Variants in BCAS3 observed in about 807,000 individuals in gnomAD.
The protein encoded by BCAS3 is BCAS3 microtubule associated cell migration factor, also known as BCAS4/BCAS3 fusion.
A neutral mutation model predicts 116.1 loss-of-function variants in BCAS3; 53 were observed. That is an observed-to-expected ratio of 0.46 (90% CI 0.37 to 0.57). The LOEUF (loss-of-function observed/expected upper bound fraction) is 0.57. BCAS3 is among the 20% of genes least tolerant of loss of function. The probability of loss-of-function intolerance (pLI) is 0.00; values close to 1 mark genes in which losing one functional copy is unlikely to be tolerated. For missense variants in BCAS3, 917 were observed against 1,165.4 expected (o/e 0.79, Z 3.10); for synonymous variants, 391 against 408.2 (o/e 0.96, Z 0.51).
At chr17:61,050,588 A>T (rs1024101934) in intron 19 of BCAS3, among the ~76,000 whole-genome samples, 1 of 152,052 alleles carries the variant, frequency 6.6e-6, no homozygotes, top group African/African-American at 2.4e-5. Context: ...CAAAAACAAA[A>T]TGTTGTATCT....
rs1444243244 is a variant in BCAS3 at position 61,045,043 on chromosome 17, G to A, written c.2029+4151G>A. On this transcript the variant is annotated intron_variant, in intron 19 of 23. Coordinates refer to ENST00000407086, the MANE Select transcript of BCAS3 (RefSeq NM_017679.5). ...CCCAAAGTGCTGGAATTACAGGCATGAGCCACTGTGCCCAGCATAAAGTCC... is the reference window on the plus strand; with the variant it reads ...CCCAAAGTGCTGGAATTACAGGCATAAGCCACTGTGCCCAGCATAAAGTCC... 2.0e-5 allele frequency among the ~76,000 whole-genome samples: 3 copies of A among 151,976 alleles called. No individual in the cohort carries two copies. In the South Asian group the frequency reaches 6.2e-4, roughly 32 times the overall value.
chr17:60,845,161 A>C (rs940540391), intron 7 of BCAS3, among the ~76,000 whole-genome samples: 2 of 152,188 alleles, frequency 1.3e-5, no homozygotes, highest in African/African-American at 4.8e-5. Context: ...CCCAGGAGGC[A>C]GAGGTTGCAG....
Position 61,362,633 on chromosome 17 carries a change from T to G in BCAS3, c.2426-5694T>G, listed in dbSNP as rs1254105511. The G allele has an allele frequency of 6.6e-6, 1 of 152,230 alleles. No individual in the cohort carries two copies. Among genetic ancestry groups the G allele is most frequent in the African/African-American group, 2.4e-5 (1 of 41,450 alleles). The allele number at this position is 152,230 out of a possible 1,614,324, so 9.4% of individuals were successfully genotyped here. Reference sequence around the variant, plus strand: ...GCTTGCCAGCTGTCACAGCATGCCTTTAATGGGTTTGTGAAACCCAAGAAC... The same window carrying G: ...GCTTGCCAGCTGTCACAGCATGCCTGTAATGGGTTTGTGAAACCCAAGAAC... On this transcript the variant is annotated intron_variant, in intron 22 of 23. Transcript: ENST00000407086. This position sits in a 1 kb window ranked among gnomAD's most constrained non-coding sequence, Gnocchi z 4.4.
chr17:61,074,878 C>A (rs921447426), intron 19 of BCAS3, 42 bp from the exon 20 acceptor site: 12 of 1,413,850 alleles, frequency 8.5e-6, no homozygotes, highest in African/African-American at 2.8e-5. Flanking sequence ...TTTTCCACTG[C>A]ATGGAATGAA....
At chr17:60,890,574 C>T (rs1300292667) in intron 10 of BCAS3, among the ~76,000 whole-genome samples, 3 of 152,056 alleles carry the variant, frequency 2.0e-5, no homozygotes, top group Non-Finnish European at 4.4e-5. Flanking sequence ...ATTTTGTTGA[C>T]TTCTTCGGTT....
chr17:60,893,914 G>A (rs2057344880), intron 10 of BCAS3, among the ~76,000 whole-genome samples: 1 of 151,922 alleles, frequency 6.6e-6, no homozygotes, highest in Admixed American at 6.6e-5. Flanking sequence ...CAGCCTATGT[G>A]TCTACTTTTG....
rs142280492 is a variant in BCAS3, at chr17:60,720,602, T to A, written c.321+11277T>A. ...TCAGTCAATATGGATAGAAAATATT[T>A]GGGAAAAAAGTAAAAAATAATTCAA... On this transcript the variant is annotated intron_variant, in intron 5 of 23. Transcript: ENST00000407086. Among the ~76,000 whole-genome samples the A allele has an allele frequency of 4.7e-3, 721 of 152,162 alleles. 2 individuals carry two copies. The highest frequency in any genetic ancestry group is 0.027 in the Middle Eastern group (8 of 294).
intron 22 of BCAS3, among the ~76,000 whole-genome samples, chr17:61,159,842 C>G (rs1601640381): frequency 6.6e-6 from 1 of 152,290 alleles, no homozygotes; most frequent in East Asian, 1.9e-4. Flanking sequence ...ACCATAAGAA[C>G]TTTCAAAATC....
chr17:60,789,179 A>T (rs946437964), intron 6 of BCAS3, among the ~76,000 whole-genome samples: 2 of 152,204 alleles, frequency 1.3e-5, no homozygotes, highest in African/African-American at 4.8e-5. Flanking sequence ...AATCCTTAAC[A>T]TCAAAAGAGA....
chr17:60,805,779 G>C (rs2048215818), intron 6 of BCAS3, among the ~76,000 whole-genome samples: 1 of 150,882 alleles, frequency 6.6e-6, no homozygotes, highest in Non-Finnish European at 1.5e-5. Flanking sequence ...AGCGAGCCCA[G>C]ATCTGCCATG....
Position 61,087,109 on chromosome 17 carries a change from A to C in BCAS3, c.2425+2545A>C, listed in dbSNP as rs937412227. ...TGTTGTAGATTCTTCTGTTAAAAAG[A>C]ATCTAATAAATTTTTATAATTGCTC... On this transcript the variant is annotated intron_variant, in intron 22 of 23. Coordinates refer to ENST00000407086, the MANE Select transcript of BCAS3 (RefSeq NM_017679.5). This position sits in a 1 kb window ranked among gnomAD's most constrained non-coding sequence, Gnocchi z 4.6. 2 of 984,376 alleles carry C rather than the reference A, an allele frequency of 2.0e-6. No individual in the cohort carries two copies. Among genetic ancestry groups the C allele is most frequent in the Non-Finnish European group, 1.2e-6 (1 of 829,080 alleles). 61.0% of individuals were successfully genotyped at this position (984,376 alleles called of 1,614,324 possible). A position where few individuals can be genotyped will look rare whatever the true frequency, so the allele number is the denominator to read the frequency against.
intron 5 of BCAS3, among the ~76,000 whole-genome samples, chr17:60,740,012 C>G (rs1467245896): frequency 6.6e-6 from 1 of 151,820 alleles, no homozygotes; most frequent in East Asian, 1.9e-4. Context: ...TGGCTTCTTT[C>G]AAGATTTTTT....
chr17:61,132,028 C>T lies in BCAS3; in HGVS notation c.2425+47464C>T, dbSNP rs1026443952. Among the ~76,000 whole-genome samples the T allele has an allele frequency of 2.0e-5, 3 of 152,160 alleles. No individual in the cohort carries two copies. Among genetic ancestry groups the T allele is most frequent in the African/African-American group, 4.8e-5 (2 of 41,444 alleles). ...AATTAACCCCTGGCAGATACCTCAC[C>T]GTGTTCTCCTTATAGCCACTCTGTC... On this transcript the variant is annotated intron_variant, in intron 22 of 23. Coordinates refer to ENST00000407086, the MANE Select transcript of BCAS3 (RefSeq NM_017679.5). This position sits in a 1 kb window ranked among gnomAD's most constrained non-coding sequence, Gnocchi z 5.1.
Position 61,130,394 on chromosome 17 carries a change from C to T in BCAS3, c.2425+45830C>T, listed in dbSNP as rs563825479. ...AAAGAACCACAATACAACCCAAGACCCCAATCATTAGAATAACCACAAAAC... is the reference window on the plus strand; with the variant it reads ...AAAGAACCACAATACAACCCAAGACTCCAATCATTAGAATAACCACAAAAC... On this transcript the variant is annotated intron_variant, in intron 22 of 23. Coordinates refer to ENST00000407086, the MANE Select transcript of BCAS3 (RefSeq NM_017679.5). This position sits in a 1 kb window ranked among gnomAD's most constrained non-coding sequence, Gnocchi z 5.0. 6.6e-6 allele frequency among the ~76,000 whole-genome samples: 1 copy of T among 152,110 alleles called. No individual in the cohort carries two copies. The highest frequency in any genetic ancestry group is 2.1e-4 in the South Asian group (1 of 4,812).
chr17:61,156,502 CTT>C lies in BCAS3; in HGVS notation c.2425+71940_2425+71941del, dbSNP rs2077848040. Among the ~76,000 whole-genome samples, 1 of 152,114 alleles carries C rather than the reference CTT, an allele frequency of 6.6e-6. No homozygotes were observed. The highest frequency in any genetic ancestry group is 2.1e-4 in the South Asian group (1 of 4,826). ...TGAGTGTCCTTACCTGAAATGGTCT[CTT>C]TGGTTTTGTAGGTTCAGACTGAGGT... On this transcript the variant is annotated intron_variant, in intron 22 of 23. Coordinates refer to ENST00000407086, the MANE Select transcript of BCAS3 (RefSeq NM_017679.5). The surrounding 1 kb of genome is among the most constrained non-coding windows in gnomAD (Gnocchi z 4.7).
chr17:60,765,762 C>G (rs947366578), intron 6 of BCAS3, among the ~76,000 whole-genome samples: 4 of 152,136 alleles, frequency 2.6e-5, no homozygotes, highest in Non-Finnish European at 4.4e-5. Flanking sequence ...GGGGAGTTCT[C>G]CTGGATAATA....
rs1482259828 is a variant in BCAS3, at chr17:61,391,870, C to G, written c.2594-107C>G. On this transcript the variant is annotated intron_variant, in intron 23 of 23. Coordinates refer to ENST00000407086, the MANE Select transcript of BCAS3 (RefSeq NM_017679.5). The surrounding 1 kb of genome is among the most constrained non-coding windows in gnomAD (Gnocchi z 7.7). ...GCGGGGATCCCCCTGCGGAAGGACA[C>G]AAGTGAACCCAGAATGGTGCCTCAA... 7.9e-6 allele frequency: 10 copies of G among 1,258,514 alleles called. No homozygotes were observed. The highest frequency in any genetic ancestry group is 1.0e-5 in the Non-Finnish European group (9 of 900,536). 78.0% of individuals were successfully genotyped at this position (1,258,514 alleles called of 1,614,324 possible). A position where few individuals can be genotyped will look rare whatever the true frequency, so the allele number is the denominator to read the frequency against.
chr17:60,764,927 A>G (rs1158635696), intron 6 of BCAS3, among the ~76,000 whole-genome samples: 1 of 149,344 alleles, frequency 6.7e-6, no homozygotes, highest in African/African-American at 2.6e-5. Context: ...TTCTTGTTGA[A>G]TTGTTCCCTT....
intron 7 of BCAS3, chr17:60,851,774 C>T: frequency 9.2e-7 from 1 of 1,092,542 alleles, no homozygotes; most frequent in Non-Finnish European, 1.4e-6. Flanking sequence ...ATCAGTGGTC[C>T]CTGTCTCCCT....
Sources: gnomAD v4.1 joint callset for allele counts (sites outside exome capture counted in the v4.1 genomes callset) on GRCh38, gnomAD v4.1.1 for gene constraint, Gnocchi (gnomAD v3.1) non-coding constraint, MANE v1.5 for transcripts, NCBI Gene and HGNC (gene_info 2026-07-23, HGNC 2026-07-21) for gene names.